WAC: variants seen among roughly 807,000 people sequenced by gnomAD.
WAC encodes WW domain-containing adapter protein with coiled-coil.
Under a neutral mutation model 79.6 loss-of-function variants are expected in WAC, and 11 were observed. The ratio of observed to expected loss-of-function variants is 0.14; its 90% confidence interval spans 0.09 to 0.23. The LOEUF (loss-of-function observed/expected upper bound fraction) is 0.23, where lower values mean the gene tolerates loss of function less well. WAC is among the 10% of genes least tolerant of loss of function. The pLI, the probability that WAC is intolerant of heterozygous loss-of-function variation, is 1.00. For synonymous variants in WAC, 304 were observed against 276.9 expected (o/e 1.10, Z -0.97); for missense variants, 728 against 773.5 (o/e 0.94, Z 0.70).
At chr10:28,610,501 A>C (rs959489383) in intron 8 of WAC, among the ~76,000 whole-genome samples, 198 bp from the exon 9 acceptor site, 3 of 151,648 alleles carry the variant, frequency 2.0e-5, no homozygotes, top group Non-Finnish European at 4.4e-5. Context: ...TTGTAAACCC[A>C]TTAAGTTTCT....
At chr10:28,604,726 G>A (rs1840850967) in intron 7 of WAC, among the ~76,000 whole-genome samples, 1 of 152,118 alleles carries the variant, frequency 6.6e-6, no homozygotes. Context: ...TCTCAGGAAA[G>A]AAAAGATACA....
rs535507850 is a variant in WAC, at chr10:28,570,648, T to G, written c.275-12751T>G. Among the ~76,000 whole-genome samples, 262 of 152,344 alleles carry G rather than the reference T, an allele frequency of 1.7e-3. 3 individuals are homozygous for G. Among genetic ancestry groups the G allele is most frequent in the South Asian group, 0.015 (71 of 4,832 alleles). ...TAATTATGAAATTATTCCAGTGGCA[T>G]GTCAGGAAGATCCCTGTCCTCAGAG... On this transcript the variant is annotated intron_variant, in intron 3 of 13. Transcript: ENST00000354911.
chr10:28,605,953 T>G (rs1457435456), intron 7 of WAC, among the ~76,000 whole-genome samples: 1 of 152,190 alleles, frequency 6.6e-6, no homozygotes, highest in African/African-American at 2.4e-5. Flanking sequence ...CCCCAAGTTG[T>G]GTGTGAAAGA....
intron 3 of WAC, among the ~76,000 whole-genome samples, chr10:28,549,746 T>C (rs1194259082): frequency 6.6e-6 from 1 of 152,200 alleles, no homozygotes; most frequent in South Asian, 2.1e-4. Flanking sequence ...CATATACTTA[T>C]CAGATACATT....
intron 13 of WAC, among the ~76,000 whole-genome samples, chr10:28,618,824 C>T (rs1046572568): frequency 1.3e-5 from 2 of 152,182 alleles, no homozygotes; most frequent in African/African-American, 4.8e-5. Context: ...AATGATTAAT[C>T]TCTTACACCT....
chr10:28,562,912 A>G (rs190873382), intron 3 of WAC, among the ~76,000 whole-genome samples: 215 of 152,260 alleles, frequency 1.4e-3, no homozygotes, highest in African/African-American at 5.0e-3. Flanking sequence ...CCTTCTGCAA[A>G]GATTTTCTTG....
At chr10:28,546,610 T>TA (rs751057639) in intron 3 of WAC, among the ~76,000 whole-genome samples, 2 of 152,244 alleles carry the variant, frequency 1.3e-5, no homozygotes, top group African/African-American at 2.4e-5. Flanking sequence ...TAGTACTTTC[T>TA]AAAACTAAAA....
At chr10:28,550,081 A>AT (rs1837574715) in intron 3 of WAC, among the ~76,000 whole-genome samples, 1 of 151,914 alleles carries the variant, frequency 6.6e-6, no homozygotes. Context: ...AGGCAGGAGA[A>AT]TCGCTTGAAC....
chr10:28,619,357 G>A (rs1841609698), intron 13 of WAC, among the ~76,000 whole-genome samples, 180 bp from the exon 14 acceptor site: 1 of 152,162 alleles, frequency 6.6e-6, no homozygotes, highest in African/African-American at 2.4e-5. Context: ...TAGATATTAT[G>A]TATTAAATGT....
At chr10:28,616,715 G>C (rs1333985131) in intron 12 of WAC, among the ~76,000 whole-genome samples, 2 of 152,192 alleles carry the variant, frequency 1.3e-5, no homozygotes, top group Non-Finnish European at 2.9e-5. Flanking sequence ...CCAGTTAACA[G>C]TGATGTGGCT....
chr10:28,610,000 C>T (rs1158953077), intron 8 of WAC, among the ~76,000 whole-genome samples: 5 of 148,818 alleles, frequency 3.4e-5, no homozygotes, highest in South Asian at 4.3e-4. Context: ...GGTGCAATCC[C>T]GGCTCACTGC....
At chr10:28,576,062 A>G (rs970229021) in intron 3 of WAC, among the ~76,000 whole-genome samples, 4 of 152,204 alleles carry the variant, frequency 2.6e-5, no homozygotes, top group Non-Finnish European at 4.4e-5. Context: ...GTAGTAGACT[A>G]TACCATCTAG....
intron 3 of WAC, among the ~76,000 whole-genome samples, chr10:28,540,355 T>C (rs1467862232): frequency 6.6e-6 from 1 of 152,214 alleles, no homozygotes; most frequent in Non-Finnish European, 1.5e-5. Flanking sequence ...GAAAGCTTAT[T>C]TGGTGGTGGT....
intron 3 of WAC, among the ~76,000 whole-genome samples, chr10:28,569,314 CTT>C (rs1381744058): frequency 6.6e-6 from 1 of 152,072 alleles, no homozygotes; most frequent in Non-Finnish European, 1.5e-5. Flanking sequence ...TATGCAAAAA[CTT>C]TTTCATATTA....
intron 3 of WAC, among the ~76,000 whole-genome samples, chr10:28,563,995 G>C (rs112918276): frequency 6.6e-5 from 10 of 152,124 alleles, no homozygotes; most frequent in African/African-American, 2.4e-4. Context: ...AGAAGAAAAA[G>C]GCTGGGTGTG....
chr10:28,542,038 A>AT lies in WAC; in HGVS notation c.274+6287dup, dbSNP rs1009943618. Among the ~76,000 whole-genome samples the AT allele has an allele frequency of 3.6e-4, 54 of 152,058 alleles. 1 individual carries two copies. Among genetic ancestry groups the AT allele is most frequent in the Admixed American group, 3.5e-3 (53 of 15,278 alleles). On this transcript the variant is annotated intron_variant, in intron 3 of 13. Transcript: ENST00000354911. The stretch of plus-strand genomic sequence containing the variant: ...ATCCTGTGTAATCTGGTGTCTGGGT[A>AT]TTTTTTCAGCCTCTTCTACTATCTT...
At chr10:28,607,117 T>A (rs1215785934) in intron 7 of WAC, among the ~76,000 whole-genome samples, 1 of 152,232 alleles carries the variant, frequency 6.6e-6, no homozygotes, top group Non-Finnish European at 1.5e-5. Context: ...TTTGTCTATT[T>A]TGACGTATAG....
chr10:28,609,333 A>G (rs1050461149), intron 8 of WAC, among the ~76,000 whole-genome samples: 19 of 152,178 alleles, frequency 1.2e-4, no homozygotes, highest in Non-Finnish European at 2.6e-4. Context: ...TGTACACTCC[A>G]ACCTGGCTGA....
At chr10:28,533,670 G>T (rs764728658) in intron 1 of WAC, 50 bp downstream of exon 1, 8 of 1,519,766 alleles carry the variant, frequency 5.3e-6, no homozygotes, top group East Asian at 2.5e-5. Flanking sequence ...GGCGGCGGCG[G>T]GGGGGCTGTT....
Sources: gnomAD v4.1 joint callset for allele counts (sites outside exome capture counted in the v4.1 genomes callset) on GRCh38, gnomAD v4.1.1 for gene constraint, MANE v1.5 for transcripts, NCBI Gene and HGNC (gene_info 2026-07-23, HGNC 2026-07-21) for gene names.